Variants in DACH1 observed in about 807,000 individuals in gnomAD.
DACH1 encodes the protein dachshund homolog 1.
A neutral mutation model predicts 54.2 loss-of-function variants in DACH1; 12 were observed. The ratio of observed to expected loss-of-function variants is 0.22; its 90% CI spans 0.14 to 0.36. DACH1 has a LOEUF of 0.36. DACH1 is among the 10% of genes least tolerant of loss of function. The pLI is 1.00. For synonymous variants in DACH1, 386 were observed against 366.2 expected, an observed-to-expected ratio of 1.05 and a Z score of -0.62; for missense variants, 805 against 929.8, an observed-to-expected ratio of 0.87 and a Z score of 1.75.
chr13:71,547,695 T>C (rs1433604027), intron 6 of DACH1, among the ~76,000 whole-genome samples: 25 of 152,158 alleles, frequency 1.6e-4, no homozygotes, highest in Admixed American at 1.4e-3. Context: ...TCCTTTAAAA[T>C]ACCTTCAAAA....
At chr13:71,560,770 G>A (rs1445575657) in intron 4 of DACH1, among the ~76,000 whole-genome samples, 1 of 151,892 alleles carries the variant, frequency 6.6e-6, no homozygotes, top group Non-Finnish European at 1.5e-5. Context: ...TGGAATTACA[G>A]ATTAAGAAAG....
intron 7 of DACH1, among the ~76,000 whole-genome samples, chr13:71,481,932 T>C (rs1418971916): frequency 6.6e-6 from 1 of 152,208 alleles, no homozygotes; most frequent in African/African-American, 2.4e-5. Flanking sequence ...TGCATCTCAC[T>C]TGGACATGCA....
chr13:71,623,328 C>T (rs969335046), intron 3 of DACH1, among the ~76,000 whole-genome samples: 4 of 151,500 alleles, frequency 2.6e-5, no homozygotes, highest in Non-Finnish European at 5.9e-5. Flanking sequence ...TTAATATACT[C>T]ATATGACATT....
intron 1 of DACH1, among the ~76,000 whole-genome samples, chr13:71,788,949 A>G (rs1886721737): frequency 6.6e-6 from 1 of 152,150 alleles, no homozygotes; most frequent in Non-Finnish European, 1.5e-5. Context: ...CAGAAATCAA[A>G]TCAGTGTTGA....
At chr13:71,808,529 TG>T (rs1887596158) in intron 1 of DACH1, among the ~76,000 whole-genome samples, 1 of 152,192 alleles carries the variant, frequency 6.6e-6, no homozygotes, top group Non-Finnish European at 1.5e-5. Flanking sequence ...GAGGCACTAA[TG>T]TAATCTATTT....
chr13:71,445,608 C>A (rs906405839), intron 10 of DACH1, among the ~76,000 whole-genome samples: 2 of 152,182 alleles, frequency 1.3e-5, no homozygotes, highest in Non-Finnish European at 2.9e-5. Flanking sequence ...ATGCACCACG[C>A]ACAGACAGAC....
intron 1 of DACH1, among the ~76,000 whole-genome samples, chr13:71,686,054 A>C (rs549587034): frequency 6.6e-6 from 1 of 152,186 alleles, no homozygotes; most frequent in South Asian, 2.1e-4. Context: ...CATTTTCTAT[A>C]AGAGCGACCC....
chr13:71,451,184 T>C (rs925918699), intron 10 of DACH1, among the ~76,000 whole-genome samples: 1 of 152,170 alleles, frequency 6.6e-6, no homozygotes, highest in Non-Finnish European at 1.5e-5. Context: ...TAAACTCATG[T>C]ACACACAGTT....
intron 6 of DACH1, among the ~76,000 whole-genome samples, chr13:71,519,734 A>G (rs973407295): frequency 6.6e-6 from 1 of 150,376 alleles, no homozygotes; most frequent in Non-Finnish European, 1.5e-5. Context: ...AATACAACAT[A>G]AGTACAAAAT....
chr13:71,548,017 CA>C (rs542541831), intron 6 of DACH1, among the ~76,000 whole-genome samples: 255 of 152,238 alleles, frequency 1.7e-3, no homozygotes, highest in Non-Finnish European at 2.8e-3. Flanking sequence ...TGTGTGTATG[CA>C]GGGGTATACG....
rs1449613894 is a variant in DACH1 at position 71,506,499 on chromosome 13, G to T, written c.1571-17351C>A. On this transcript the variant is annotated intron_variant, in intron 6 of 10. Coordinates refer to ENST00000613252, the MANE Select transcript of DACH1 (RefSeq NM_080759.6). The stretch of plus-strand genomic sequence containing the variant: ...TTTTATGGCTGCATAGTATTCCATG[G>T]TATATATGTGCCACACTTTCTTAAT... 5.3e-5 allele frequency among the ~76,000 whole-genome samples: 8 copies of T among 151,782 alleles called. No homozygotes were observed. The South Asian group carries it at 1.7e-3, about 32-fold the overall frequency.
intron 1 of DACH1, among the ~76,000 whole-genome samples, chr13:71,740,588 A>T (rs1884339056): frequency 6.6e-6 from 1 of 152,172 alleles, no homozygotes; most frequent in Admixed American, 6.5e-5. Flanking sequence ...GTTTATGTTA[A>T]GACAGTTCAA....
In DACH1 at chr13:71,466,525, CT is replaced by C. The variant is rs1007857607; in HGVS notation, c.2083+8615del. ...CCCGAACTCTCATAGTGCCAACCCC[CT>C]ATTACATTATTTTTACTAGAAAAAC... On this transcript the variant is annotated intron_variant, in intron 10 of 10. Transcript: ENST00000613252. Among the ~76,000 whole-genome samples, 62 of 152,118 alleles carry C rather than the reference CT, an allele frequency of 4.1e-4. 4 individuals are homozygous for C. Among genetic ancestry groups the C allele is most frequent in the Non-Finnish European group, 8.8e-5 (6 of 68,020 alleles).
At chr13:71,706,695 T>C (rs1882466166) in intron 1 of DACH1, among the ~76,000 whole-genome samples, 2 of 152,198 alleles carry the variant, frequency 1.3e-5, no homozygotes, top group Admixed American at 6.5e-5. Context: ...AATTTTATTC[T>C]ATATCTATTT....
intron 1 of DACH1, among the ~76,000 whole-genome samples, chr13:71,817,163 G>T (rs1354838658): frequency 6.6e-6 from 1 of 152,006 alleles, no homozygotes; most frequent in Non-Finnish European, 1.5e-5. Context: ...AAGGAGAAAG[G>T]AAATATATAA....
At chr13:71,724,729 G>A (rs1594139467) in intron 1 of DACH1, among the ~76,000 whole-genome samples, 1 of 152,122 alleles carries the variant, frequency 6.6e-6, no homozygotes, top group Admixed American at 6.5e-5. Context: ...GTTTTAAACA[G>A]AGAAGAATTG....
chr13:71,623,836 C>T (rs2138550459), intron 3 of DACH1, among the ~76,000 whole-genome samples: 1 of 151,936 alleles, frequency 6.6e-6, no homozygotes, highest in African/African-American at 2.4e-5. Context: ...GCTCCCCTAC[C>T]TGAGTTTTTG....
intron 6 of DACH1, among the ~76,000 whole-genome samples, chr13:71,525,313 G>T (rs999291479): frequency 2.6e-5 from 4 of 152,086 alleles, no homozygotes; most frequent in Non-Finnish European, 5.9e-5. Context: ...TTACTGCCTT[G>T]CTCAGAGCCT....
intron 1 of DACH1, among the ~76,000 whole-genome samples, chr13:71,696,008 G>A (rs1246984738): frequency 6.6e-6 from 1 of 152,110 alleles, no homozygotes; most frequent in Non-Finnish European, 1.5e-5. Context: ...TTTTTATGAG[G>A]TTAGCATGAA....
Sources: allele counts gnomAD v4.1 joint callset (sites outside exome capture counted in the v4.1 genomes callset), GRCh38; gene constraint gnomAD v4.1.1; transcripts MANE v1.5; gene names NCBI Gene and HGNC (gene_info 2026-07-23, HGNC 2026-07-21).